Variants in IL9 observed in about 807,000 individuals in gnomAD.
IL9 encodes interleukin 9.
A neutral mutation model predicts 12.9 loss-of-function variants in IL9; 16 were observed. The ratio of observed to expected loss-of-function variants is 1.24; its 90% CI spans 0.84 to 1.88. IL9 has a LOEUF of 1.88. Among genes scored for constraint, IL9 ranks in the 40% most tolerant of loss-of-function variants. The pLI, the probability that IL9 is intolerant of heterozygous loss-of-function variation, is 0.00. For synonymous variants in IL9, 69 were observed against 63.8 expected (o/e 1.08, Z -0.39); for missense variants, 170 against 173.1 (o/e 0.98, Z 0.10).
rs1561571591 is a variant in IL9, at chr5:135,895,715, G to C, written c.102C>G (p.Ile34Met). 1.2e-6 allele frequency: 2 copies of C among 1,613,320 alleles called. No homozygotes were observed. Among genetic ancestry groups the C allele is most frequent in the Admixed American group, 1.7e-5 (1 of 60,012 alleles). ...LAGILDINFL[I>M]NKMQEDPASK... Reference sequence around the variant, plus strand: ...CCCTGCAGCCTACCTGCATCTTGTTGATGAGGAAGTTGATGTCCAGGATCC... The same window carrying C: ...CCCTGCAGCCTACCTGCATCTTGTTCATGAGGAAGTTGATGTCCAGGATCC... Residue 34 changes from isoleucine (I) to methionine (M), a missense_variant, in exon 1 of 5, where the codon ATC (isoleucine) becomes ATG (methionine). Physicochemically the swap from Ile to Met is conservative, Grantham distance 10. Transcript: ENST00000274520.
rs1428880798 is a variant in IL9, at chr5:135,895,609, T to A, written c.115-19A>T. On this transcript the variant is annotated intron_variant, in intron 1 of 4. Coordinates refer to ENST00000274520, the MANE Select transcript of IL9 (RefSeq NM_000590.2). Reference sequence around the variant, plus strand: ...GATCTTCCTAAAGTAGATAGAGAGATAAGAACCTTTAGTCAGCCCCGAGTT... The same window carrying A: ...GATCTTCCTAAAGTAGATAGAGAGAAAAGAACCTTTAGTCAGCCCCGAGTT... 14 of 1,613,766 alleles carry A rather than the reference T, an allele frequency of 8.7e-6. No individual in the cohort carries two copies. Among genetic ancestry groups the A allele is most frequent in the Admixed American group, 1.7e-5 (1 of 60,000 alleles).
intron 3 of IL9, 129 bp from the exon 4 acceptor site, chr5:135,894,280 C>A: frequency 1.1e-6 from 1 of 904,114 alleles, no homozygotes; most frequent in Non-Finnish European, 1.7e-6. Flanking sequence ...TATTTTTAGA[C>A]AGGTCCCTTG....
At chr5:135,895,525 T>A (rs748554426) in intron 2 of IL9, 30 bp downstream of exon 2, 2 of 1,613,660 alleles carry the variant, frequency 1.2e-6, no homozygotes, top group Non-Finnish European at 1.7e-6. Flanking sequence ...TAAAATTAAT[T>A]TGGAAAGTTC....
Position 135,894,022 on chromosome 5 carries a change from G to A in IL9, c.313C>T (p.Pro105Ser). ...ATCACATATGAAAACAAACTTACTG[G>A]ACACTTGTTGTTCTTTAGTACTTCA... is the stretch of plus-strand genomic sequence containing the variant. ...SVEVLKNNKC[P>S]YFSCEQPCNQ... Residue 105 changes from proline (P) to serine (S), a missense_variant and splice_region_variant, in exon 4 of 5, where the codon CCA becomes TCA. By Grantham distance (74) the Pro-to-Ser change is moderately conservative. Coordinates refer to ENST00000274520, the MANE Select transcript of IL9 (RefSeq NM_000590.2). 5 of 1,610,190 alleles carry A rather than the reference G, an allele frequency of 3.1e-6. No homozygotes were observed. Among genetic ancestry groups the A allele is most frequent in the Non-Finnish European group, 4.2e-6 (5 of 1,179,152 alleles).
intron 4 of IL9, among the ~76,000 whole-genome samples, chr5:135,893,678 T>G (rs1762905192): frequency 6.6e-6 from 1 of 152,148 alleles, no homozygotes; most frequent in Admixed American, 6.5e-5. Flanking sequence ...TCCATTCAGT[T>G]AGTACATTGA....
chr5:135,895,522 A>T, intron 2 of IL9, 33 bp downstream of exon 2: 1 of 1,613,722 alleles, frequency 6.2e-7, no homozygotes, highest in Non-Finnish European at 8.5e-7. Flanking sequence ...AATTAAAATT[A>T]ATTTGGAAAG....
At position 135,895,742 on chromosome 5, in the gene IL9, C is replaced by A. The variant is rs368804746; in HGVS notation, c.75G>T (p.Ala25=). The A allele has an allele frequency of 5.6e-6, 9 of 1,614,112 alleles. No individual in the cohort carries two copies. Among genetic ancestry groups the A allele is most frequent in the Non-Finnish European group, 7.6e-6 (9 of 1,179,984 alleles). Residue 25 remains alanine (A), a synonymous_variant, in exon 1 of 5, where the codon GCG becomes GCT. Coordinates refer to ENST00000274520, the MANE Select transcript of IL9 (RefSeq NM_000590.2). The part of the protein sequence containing the change: ...SVAGQGCPTL[A]GILDINFLIN... ...TGAGGAAGTTGATGTCCAGGATCCCCGCCAAGGTTGGACACCCCTGGCCTG... is the reference window on the plus strand; with the variant it reads ...TGAGGAAGTTGATGTCCAGGATCCCAGCCAAGGTTGGACACCCCTGGCCTG...
chr5:135,894,114 G>A lies in IL9; in HGVS notation c.221C>T (p.Ser74Phe). 1 of 1,613,396 alleles carries A rather than the reference G, an allele frequency of 6.2e-7. No individual in the cohort carries two copies. The highest frequency in any genetic ancestry group is 8.5e-7 in the Non-Finnish European group (1 of 1,179,612). The change falls in exon 4 of 5, where the codon TCT becomes TTT. Residue 74 changes from serine to phenylalanine, a missense_variant. By Grantham distance (155) the Ser-to-Phe change is radical. Coordinates refer to ENST00000274520, the MANE Select transcript of IL9 (RefSeq NM_000590.2). ...CTRPCFSERL[S>F]QMTNTTMQTR... ...TTGCATGGTGGTATTGGTCATCTGA[G>A]ACAGTCTCTCACTGAAGCATGGTCT...
intron 4 of IL9, 138 bp downstream of exon 4, chr5:135,893,882 T>A: frequency 1.5e-6 from 1 of 645,264 alleles, no homozygotes. Flanking sequence ...TACTTCTGAT[T>A]AAAATTCTTA....
chr5:135,894,845 G>A (rs1299473107), intron 3 of IL9, among the ~76,000 whole-genome samples: 1 of 152,164 alleles, frequency 6.6e-6, no homozygotes, highest in Non-Finnish European at 1.5e-5. Flanking sequence ...TGGCCCTCTG[G>A]AAGCCCTCCT....
At chr5:135,894,294 A>G (rs1762913916) in intron 3 of IL9, 143 bp from the exon 4 acceptor site, 2 of 779,998 alleles carry the variant, frequency 2.6e-6, no homozygotes, top group African/African-American at 1.8e-5. Flanking sequence ...TCCCTTGCCA[A>G]TGTAGGAAGT....
At chr5:135,895,416 A>G in intron 3 of IL9, 24 bp downstream of exon 3, 1 of 1,597,098 alleles carries the variant, frequency 6.3e-7, no homozygotes, top group South Asian at 1.1e-5. Flanking sequence ...CAAGGTCAAC[A>G]TTATGTTATT....
In IL9 at chr5:135,895,667, T is replaced by C. The variant is rs1282541670; in HGVS notation, c.114+36A>G. The C allele has an allele frequency of 6.9e-6, 11 of 1,604,156 alleles. No homozygotes were observed. The Admixed American group carries it at 1.2e-4, about 17-fold the overall frequency. On this transcript the variant is annotated intron_variant, in intron 1 of 4. Transcript: ENST00000274520. ...CCTCATACATATTTCACTTTGTCAG[T>C]AGCTGTCTTTCCCATGGGCTCCCCC...
In IL9 at chr5:135,893,597, G is replaced by A. The variant is rs191402408; in HGVS notation, c.315+423C>T. Among the ~76,000 whole-genome samples, 720 of 152,232 alleles carry A rather than the reference G, an allele frequency of 4.7e-3. 1 individual carries two copies. Among genetic ancestry groups the A allele is most frequent in the South Asian group, 9.7e-3 (47 of 4,824 alleles). On this transcript the variant is annotated intron_variant, in intron 4 of 4. Transcript: ENST00000274520. ...ACTGCACTCCAGCCTGGGCAACAGA[G>A]CAAGACTCTGTCTCCAAAACAAAAC...
chr5:135,894,007 A>C lies in IL9; in HGVS notation c.315+13T>G. 6.2e-7 allele frequency: 1 copy of C among 1,607,888 alleles called. No homozygotes were observed. On this transcript the variant is annotated intron_variant, in intron 4 of 4. Coordinates refer to ENST00000274520, the MANE Select transcript of IL9 (RefSeq NM_000590.2). ...CACCAACAGGAACATATCACATATGAAAACAAACTTACTGGACACTTGTTG... is the reference window on the plus strand; with the variant it reads ...CACCAACAGGAACATATCACATATGCAAACAAACTTACTGGACACTTGTTG...
At chr5:135,895,641 TC>T (rs1762930062) in intron 1 of IL9, 51 bp from the exon 2 acceptor site, 2 of 1,609,482 alleles carry the variant, frequency 1.2e-6, no homozygotes, top group African/African-American at 2.7e-5. Context: ...AGTTTTTTCA[TC>T]CTCATACATA....
chr5:135,895,498 A>G, intron 2 of IL9, 26 bp from the exon 3 acceptor site: 2 of 1,613,822 alleles, frequency 1.2e-6, no homozygotes, highest in African/African-American at 1.3e-5. Context: ...CAGAGTGAAG[A>G]TTCCAGATGT....
intron 4 of IL9, among the ~76,000 whole-genome samples, chr5:135,893,650 A>T (rs1276194190): frequency 6.6e-6 from 1 of 152,148 alleles, no homozygotes; most frequent in African/African-American, 2.4e-5. Flanking sequence ...CAGGAAAAAA[A>T]AATCCCTGTT....
chr5:135,893,870 A>G (rs1476733327), intron 4 of IL9, 150 bp downstream of exon 4: 4 of 613,504 alleles, frequency 6.5e-6, no homozygotes, highest in African/African-American at 1.9e-5. Flanking sequence ...CTTTAATTAT[A>G]TTACTTCTGA....
Sources: gnomAD v4.1 joint callset for allele counts (sites outside exome capture counted in the v4.1 genomes callset) on GRCh38, gnomAD v4.1.1 for gene constraint, MANE v1.5 for transcripts, NCBI Gene and HGNC (gene_info 2026-07-23, HGNC 2026-07-21) for gene names.